NUBPL: variants seen among roughly 807,000 people sequenced by gnomAD.
NUBPL encodes the protein NUBP iron-sulfur cluster assembly factor, mitochondrial, also known as iron-sulfur cluster transfer protein NUBPL.
In NUBPL, 31 loss-of-function variants were observed where a neutral mutation model predicts 45.7. The observed-to-expected ratio is 0.68, with a 90% confidence interval of 0.51 to 0.92. The LOEUF is 0.92. Ranked by LOEUF, NUBPL falls within the 40% of genes least tolerant of loss-of-function variation. The pLI, the probability that NUBPL is intolerant of heterozygous loss-of-function variation, is 0.00. For missense variants in NUBPL, 401 were observed against 398.7 expected, an observed-to-expected ratio of 1.01 and a Z score of -0.05; for synonymous variants, 144 against 140.9, an observed-to-expected ratio of 1.02 and a Z score of -0.15.
intron 4 of NUBPL, among the ~76,000 whole-genome samples, chr14:31,645,315 C>T (rs936964127): frequency 2.6e-5 from 4 of 152,068 alleles, no homozygotes; most frequent in African/African-American, 9.7e-5. Flanking sequence ...ATCCGCCCAT[C>T]TCAGCCTCCT....
In NUBPL at chr14:31,615,775, A is replaced by G. The variant is rs144007828; in HGVS notation, c.382+16396A>G. On this transcript the variant is annotated intron_variant, in intron 4 of 10. Transcript: ENST00000281081. ...TAAACATACGTGTGCATGTGTCTTT[A>G]TAGTAGAATGATCTATAATCCTTTG... Among the ~76,000 whole-genome samples the G allele has an allele frequency of 7.9e-5, 12 of 152,294 alleles. No homozygotes were observed. In the East Asian group the frequency reaches 2.3e-3, roughly 29 times the overall value.
intron 6 of NUBPL, among the ~76,000 whole-genome samples, chr14:31,760,094 A>C (rs908817292): frequency 2.2e-5 from 3 of 139,204 alleles, no homozygotes; most frequent in African/African-American, 8.1e-5. Flanking sequence ...CCTGAACTCT[A>C]TTACTTCTAT....
At chr14:31,751,924 G>A (rs1431848645) in intron 6 of NUBPL, among the ~76,000 whole-genome samples, 1 of 152,208 alleles carries the variant, frequency 6.6e-6, no homozygotes, top group Non-Finnish European at 1.5e-5. Flanking sequence ...CTGCATGGAG[G>A]CCACCAAGGC....
intron 6 of NUBPL, among the ~76,000 whole-genome samples, chr14:31,747,181 G>A (rs1445033934): frequency 6.8e-6 from 1 of 147,190 alleles, no homozygotes; most frequent in Non-Finnish European, 1.5e-5. Flanking sequence ...TGTTGCCCAG[G>A]CTGGAGTGCA....
At chr14:31,635,207 G>T (rs932230635) in intron 4 of NUBPL, among the ~76,000 whole-genome samples, 53 of 151,902 alleles carry the variant, frequency 3.5e-4, no homozygotes, top group African/African-American at 1.3e-3. Context: ...TTCTTCTAGG[G>T]TTTTTATGGT....
intron 4 of NUBPL, among the ~76,000 whole-genome samples, chr14:31,663,007 T>G (rs1487603583): frequency 6.6e-6 from 1 of 152,254 alleles, no homozygotes; most frequent in Non-Finnish European, 1.5e-5. Flanking sequence ...GATGAGCATT[T>G]TTTCATATAT....
chr14:31,772,010 T>C lies in NUBPL; in HGVS notation c.514-15770T>C, dbSNP rs747550784. ...CACTGAACAGTGTCTGTAGATACTC[T>C]TAGGGGGCTTCAGAAAGCCACTTCT... On this transcript the variant is annotated intron_variant, in intron 6 of 10. Transcript: ENST00000281081. 4 of 402,762 alleles carry C rather than the reference T, an allele frequency of 9.9e-6. No homozygotes were observed. In the East Asian group the frequency reaches 6.4e-4, roughly 64 times the overall value. 24.9% of individuals were successfully genotyped at this position (402,762 alleles called of 1,614,324 possible).
At chr14:31,624,108 G>A (rs2035142513) in intron 4 of NUBPL, among the ~76,000 whole-genome samples, 1 of 152,150 alleles carries the variant, frequency 6.6e-6, no homozygotes, top group African/African-American at 2.4e-5. Flanking sequence ...GATGTAATAA[G>A]TCCTGATTTA....
intron 4 of NUBPL, among the ~76,000 whole-genome samples, chr14:31,669,187 T>A (rs1367525916): frequency 1.3e-5 from 2 of 152,164 alleles, no homozygotes; most frequent in East Asian, 3.9e-4. Flanking sequence ...AATTGACACA[T>A]AATTGCATAT....
chr14:31,666,457 G>T (rs534889426), intron 4 of NUBPL, among the ~76,000 whole-genome samples: 1 of 151,508 alleles, frequency 6.6e-6, no homozygotes, highest in Non-Finnish European at 1.5e-5. Context: ...TAGAGACAGG[G>T]TTTGACCATA....
chr14:31,783,250 A>G (rs1295558469), intron 6 of NUBPL, among the ~76,000 whole-genome samples: 1 of 152,116 alleles, frequency 6.6e-6, no homozygotes, highest in Non-Finnish European at 1.5e-5. Context: ...GCCATGGGGT[A>G]TGCCAGGGCT....
intron 8 of NUBPL, among the ~76,000 whole-genome samples, chr14:31,827,591 T>A (rs2040126198): frequency 6.6e-6 from 1 of 152,208 alleles, no homozygotes; most frequent in Non-Finnish European, 1.5e-5. Flanking sequence ...TCTCTGTGGC[T>A]GGCTAGCTAG....
chr14:31,844,930 T>C (rs886840956), intron 8 of NUBPL: 1 of 152,240 alleles, frequency 6.6e-6, no homozygotes, highest in African/African-American at 2.4e-5. Flanking sequence ...TTGCAGAGCC[T>C]ATCTATTTAT....
intron 7 of NUBPL, among the ~76,000 whole-genome samples, chr14:31,823,983 G>T (rs1475193083): frequency 6.6e-6 from 1 of 151,976 alleles, no homozygotes. Context: ...GAAGGCTGTA[G>T]GGATCCATGG....
chr14:31,675,299 G>A (rs143892158), intron 6 of NUBPL, among the ~76,000 whole-genome samples: 8 of 152,126 alleles, frequency 5.3e-5, no homozygotes, highest in East Asian at 1.9e-4. Context: ...ACAGTCTTTC[G>A]TGAAGTCACT....
In NUBPL at chr14:31,672,865, C is replaced by A. The variant is rs1371988275; in HGVS notation, c.383-490C>A. The stretch of plus-strand genomic sequence containing the variant: ...GCTTGGTATAATGTTTAAACTGTTG[C>A]AAATTGAGTTATATTTAGTTGAAAG... On this transcript the variant is annotated intron_variant, in intron 4 of 10. Coordinates refer to ENST00000281081, the MANE Select transcript of NUBPL (RefSeq NM_025152.3). Among the ~76,000 whole-genome samples the A allele has an allele frequency of 2.6e-5, 4 of 152,098 alleles. No homozygotes were observed. The East Asian group carries it at 5.8e-4, about 22-fold the overall frequency.
intron 6 of NUBPL, among the ~76,000 whole-genome samples, chr14:31,774,006 C>T (rs1384281184): frequency 6.6e-6 from 1 of 152,190 alleles, no homozygotes; most frequent in Non-Finnish European, 1.5e-5. Context: ...CTGTTCAAAC[C>T]AATCTAGATC....
chr14:31,695,589 TG>T (rs2037197626), intron 6 of NUBPL, among the ~76,000 whole-genome samples: 1 of 151,942 alleles, frequency 6.6e-6, no homozygotes, highest in African/African-American at 2.4e-5. Context: ...ATCATGGGAA[TG>T]GGTTAGTTAT....
At chr14:31,604,513 C>T (rs984253135) in intron 4 of NUBPL, among the ~76,000 whole-genome samples, 1 of 152,186 alleles carries the variant, frequency 6.6e-6, no homozygotes, top group Non-Finnish European at 1.5e-5. Flanking sequence ...TTGAATCCCA[C>T]CTTTATAGGT....
Sources: gnomAD v4.1 joint callset for allele counts (sites outside exome capture counted in the v4.1 genomes callset) on GRCh38, gnomAD v4.1.1 for gene constraint, MANE v1.5 for transcripts, NCBI Gene and HGNC (gene_info 2026-07-23, HGNC 2026-07-21) for gene names.